PTPRN2: variants seen among roughly 807,000 people sequenced by gnomAD.
PTPRN2 encodes the protein receptor-type tyrosine-protein phosphatase N2.
PTPRN2 carries 74 observed loss-of-function variants against 118.8 expected under a neutral mutation model. That is an observed-to-expected ratio of 0.62 (90% CI 0.52 to 0.76). The LOEUF (loss-of-function observed/expected upper bound fraction) is 0.76, where lower values mean the gene tolerates loss of function less well. Ranked by LOEUF, PTPRN2 falls within the 30% of genes least tolerant of loss-of-function variation. The pLI, the probability that PTPRN2 is intolerant of heterozygous loss-of-function variation, is 0.00. For missense variants in PTPRN2, 1,481 were observed against 1,394.4 expected, an observed-to-expected ratio of 1.06 and a Z score of -0.99; for synonymous variants, 641 against 608.0, an observed-to-expected ratio of 1.05 and a Z score of -0.80.
At chr7:158,229,837 T>A (rs1241471653) in intron 3 of PTPRN2, among the ~76,000 whole-genome samples, 1 of 151,848 alleles carries the variant, frequency 6.6e-6, no homozygotes, top group Non-Finnish European at 1.5e-5. Flanking sequence ...AAAGAAACAA[T>A]AACAGAAAAC....
chr7:158,483,091 G>A (rs903298317), intron 2 of PTPRN2, among the ~76,000 whole-genome samples: 2 of 152,134 alleles, frequency 1.3e-5, no homozygotes, highest in South Asian at 2.1e-4. Context: ...TTTGCCCTCC[G>A]ATCACACTTC....
intron 9 of PTPRN2, 55 bp downstream of exon 9, chr7:158,133,622 T>C: frequency 2.6e-6 from 4 of 1,511,082 alleles, no homozygotes; most frequent in Non-Finnish European, 3.5e-6. Context: ...ACCTCCAGCC[T>C]GCTGGGACAA....
rs76693099 is a variant in PTPRN2 at position 157,795,424 on chromosome 7, G to T, written c.1788+103249C>A. Among the ~76,000 whole-genome samples, 607 of 152,322 alleles carry T rather than the reference G, an allele frequency of 4.0e-3. 6 individuals are homozygous for T. Among genetic ancestry groups the T allele is most frequent in the African/African-American group, 0.014 (569 of 41,548 alleles). On this transcript the variant is annotated intron_variant, in intron 12 of 22. Coordinates refer to ENST00000389418, the MANE Select transcript of PTPRN2 (RefSeq NM_002847.5). ...CCGTCTGTTTGCTCACCCTCCCCAG[G>T]GGGCTGAGGCTGGGAACCACTGCTC...
intron 12 of PTPRN2, among the ~76,000 whole-genome samples, chr7:157,811,332 T>TTA (rs71189737): frequency 0.014 from 1,850 of 131,238 alleles, 33 homozygotes; most frequent in East Asian, 0.044. Flanking sequence ...ATCTACTCTA[T>TTA]TATATATATA....
intron 12 of PTPRN2, among the ~76,000 whole-genome samples, chr7:157,796,224 G>T (rs2151086263): frequency 6.6e-6 from 1 of 152,374 alleles, no homozygotes; most frequent in East Asian, 1.9e-4. Context: ...GTCTCTGCAA[G>T]TATTGATGCG....
At chr7:157,982,670 A>T (rs2128832009) in intron 11 of PTPRN2, among the ~76,000 whole-genome samples, 1 of 139,558 alleles carries the variant, frequency 7.2e-6, no homozygotes, top group Admixed American at 7.1e-5. Context: ...AGTCCCCCCA[A>T]ACCCCGAGTC....
chr7:157,648,430 G>A (rs1188186010), intron 14 of PTPRN2, among the ~76,000 whole-genome samples: 12 of 87,798 alleles, frequency 1.4e-4, no homozygotes, highest in Admixed American at 5.1e-4. Context: ...TCGGTGGGTC[G>A]GACCCATTCA....
rs1585314681 is a variant in PTPRN2, at chr7:157,725,879, A to ACGG, written c.1789-42943_1789-42942insCCG. ...TGGATATCCACACGCAGAGGAGTGA[A>ACGG]CCAGACCCTCGCCTCCCAGGAGAAC... On this transcript the variant is annotated intron_variant, in intron 12 of 22. Coordinates refer to ENST00000389418, the MANE Select transcript of PTPRN2 (RefSeq NM_002847.5). Among the ~76,000 whole-genome samples the ACGG allele has an allele frequency of 1.3e-3, 26 of 19,930 alleles. 1 individual carries two copies. Among genetic ancestry groups the ACGG allele is most frequent in the African/African-American group, 5.0e-3 (18 of 3,594 alleles). The allele number at this position is 19,930 out of a possible 152,430, so 13.1% of individuals were successfully genotyped here. A position where few individuals can be genotyped will look rare whatever the true frequency, so the allele number is the denominator to read the frequency against.
chr7:158,528,981 G>A (rs1370919426), intron 1 of PTPRN2, among the ~76,000 whole-genome samples: 1 of 152,160 alleles, frequency 6.6e-6, no homozygotes. Flanking sequence ...GCCCTGTGAG[G>A]GAAACGTGTG....
At chr7:158,502,629 G>A (rs1040534068) in intron 1 of PTPRN2, among the ~76,000 whole-genome samples, 9 of 152,258 alleles carry the variant, frequency 5.9e-5, no homozygotes, top group Non-Finnish European at 1.3e-4. Context: ...AGTTCACACA[G>A]CGAGGCTAGG....
rs1001011835 is a variant in PTPRN2 at position 158,546,788 on chromosome 7, G to A, written c.112+40770C>T. Among the ~76,000 whole-genome samples, 15 of 152,260 alleles carry A rather than the reference G, an allele frequency of 9.9e-5. No individual in the cohort carries two copies. Among genetic ancestry groups the A allele is most frequent in the African/African-American group, 2.7e-4 (11 of 41,472 alleles). ...TGCCAAGTTCTTGTGAGTTGAGCACGTCTCACGTATGCACCAACATGCAGA... is the reference window on the plus strand; with the variant it reads ...TGCCAAGTTCTTGTGAGTTGAGCACATCTCACGTATGCACCAACATGCAGA... On this transcript the variant is annotated intron_variant, in intron 1 of 22. Transcript: ENST00000389418. The surrounding 1 kb of genome is among the most constrained non-coding windows in gnomAD (Gnocchi z 5.0).
intron 11 of PTPRN2, among the ~76,000 whole-genome samples, chr7:158,078,189 A>G (rs941365010): frequency 6.6e-6 from 1 of 152,202 alleles, no homozygotes; most frequent in African/African-American, 2.4e-5. Flanking sequence ...TAGGTTTTGT[A>G]TCATTTTGTA....
At chr7:158,137,822 G>A (rs937325997) in intron 7 of PTPRN2, among the ~76,000 whole-genome samples, 2 of 152,212 alleles carry the variant, frequency 1.3e-5, no homozygotes, top group Admixed American at 1.3e-4. Context: ...CAGAAGTCCT[G>A]GCTGACCCAT....
chr7:158,071,359 AGGTG>A (rs1811530300), intron 11 of PTPRN2, among the ~76,000 whole-genome samples: 2 of 88,470 alleles, frequency 2.3e-5, no homozygotes, highest in Admixed American at 1.3e-4. Flanking sequence ...GTGGTGGTGG[AGGTG>A]CTCATGGTGG....
rs751493554 is a variant in PTPRN2 at position 158,316,846 on chromosome 7, CGCGCAG to C, written c.244_249del (p.Leu82_Arg83del). On this transcript the variant is annotated inframe_deletion, in exon 3 of 23. Transcript: ENST00000389418. ...GTGCCGGAAAGCTTCTGCAACGCCACGCGCAGGCGCTGCAGGGCCACGGGCGACACC... is the reference window on the plus strand; with the variant it reads ...GTGCCGGAAAGCTTCTGCAACGCCACGCGCTGCAGGGCCACGGGCGACACC... The C allele has an allele frequency of 5.8e-5, 93 of 1,608,794 alleles. 1 individual carries two copies. In the Middle Eastern group the frequency reaches 6.6e-4, roughly 11 times the overall value.
intron 3 of PTPRN2, among the ~76,000 whole-genome samples, chr7:158,274,206 G>T (rs1798776269): frequency 7.2e-6 from 1 of 139,450 alleles, no homozygotes; most frequent in African/African-American, 2.7e-5. Flanking sequence ...GCAGACACAG[G>T]GGGAGCCGCA....
chr7:158,016,739 C>T (rs1806487590), intron 11 of PTPRN2, among the ~76,000 whole-genome samples: 1 of 152,170 alleles, frequency 6.6e-6, no homozygotes, highest in Admixed American at 6.5e-5. Context: ...TTGGGTGGAT[C>T]GCAGAGAAGC....
intron 11 of PTPRN2, among the ~76,000 whole-genome samples, chr7:158,060,397 C>A (rs536000133): frequency 2.0e-5 from 3 of 152,244 alleles, no homozygotes; most frequent in African/African-American, 7.2e-5. Context: ...CTCACTGTCT[C>A]GCCGTGTGTG....
In PTPRN2 at chr7:158,526,372, G is replaced by A. The variant is rs940532607; in HGVS notation, c.113-36587C>T. ...TGCAGAGATAACCAGGTAGAGCCACGCTCACGAGAACCACCAGCCACTCTG... is the reference window on the plus strand; with the variant it reads ...TGCAGAGATAACCAGGTAGAGCCACACTCACGAGAACCACCAGCCACTCTG... On this transcript the variant is annotated intron_variant, in intron 1 of 22. Coordinates refer to ENST00000389418, the MANE Select transcript of PTPRN2 (RefSeq NM_002847.5). This position sits in a 1 kb window ranked among gnomAD's most constrained non-coding sequence, Gnocchi z 5.2. Among the ~76,000 whole-genome samples, 2 of 152,196 alleles carry A rather than the reference G, an allele frequency of 1.3e-5. No homozygotes were observed. Among genetic ancestry groups the A allele is most frequent in the East Asian group, 1.9e-4 (1 of 5,198 alleles).
Sources: allele counts gnomAD v4.1 joint callset (sites outside exome capture counted in the v4.1 genomes callset), GRCh38; gene constraint gnomAD v4.1.1; non-coding constraint Gnocchi (gnomAD v3.1); transcripts MANE v1.5; gene names NCBI Gene and HGNC (gene_info 2026-07-23, HGNC 2026-07-21).